Variants in ANKFN1 observed in about 807,000 individuals in gnomAD.
The protein encoded by ANKFN1 is ankyrin repeat and fibronectin type III domain containing 1.
In ANKFN1, 74 loss-of-function variants were observed where a neutral mutation model predicts 108.7. The ratio of observed to expected loss-of-function variants is 0.68; its 90% CI spans 0.56 to 0.83. ANKFN1 has a LOEUF of 0.83. ANKFN1 is among the 40% of genes least tolerant of loss of function. The pLI, the probability that ANKFN1 is intolerant of heterozygous loss-of-function variation, is 0.00. For missense variants in ANKFN1, 1,505 were observed against 1,382.3 expected (o/e 1.09, Z -1.41); for synonymous variants, 547 against 516.2 (o/e 1.06, Z -0.81).
intron 2 of ANKFN1, among the ~76,000 whole-genome samples, chr17:56,220,494 TA>T (rs1053580279): frequency 6.6e-6 from 1 of 151,488 alleles, no homozygotes; most frequent in African/African-American, 2.4e-5. Flanking sequence ...CCATCTTTAT[TA>T]AAAAAAATAC....
chr17:56,307,026 T>G (rs1467582808), intron 3 of ANKFN1, among the ~76,000 whole-genome samples: 1 of 152,212 alleles, frequency 6.6e-6, no homozygotes, highest in Non-Finnish European at 1.5e-5. Flanking sequence ...GCTAGCCATA[T>G]GTAGAAAGCT....
At chr17:56,282,188 A>C (rs890707752) in intron 3 of ANKFN1, among the ~76,000 whole-genome samples, 3 of 152,202 alleles carry the variant, frequency 2.0e-5, no homozygotes, top group Non-Finnish European at 4.4e-5. Context: ...GATGAATTTC[A>C]AAAACATGTT....
chr17:56,430,592 T>C (rs980619015), intron 8 of ANKFN1, among the ~76,000 whole-genome samples: 13 of 152,038 alleles, frequency 8.6e-5, no homozygotes, highest in African/African-American at 2.9e-4. Flanking sequence ...TGTAATCATT[T>C]CACTATGTAT....
intron 3 of ANKFN1, among the ~76,000 whole-genome samples, chr17:56,305,617 G>A (rs552738492): frequency 2.6e-5 from 4 of 152,226 alleles, no homozygotes; most frequent in African/African-American, 9.6e-5. Flanking sequence ...CTGCTGAACA[G>A]GATCTTTCAC....
chr17:56,288,485 A>G (rs1429297303), intron 3 of ANKFN1, among the ~76,000 whole-genome samples: 1 of 151,994 alleles, frequency 6.6e-6, no homozygotes, highest in Non-Finnish European at 1.5e-5. Context: ...TGCTTATTTA[A>G]ATAATTATTT....
chr17:56,097,785 G>C (rs868494100), intron 4 of ANKFN1, among the ~76,000 whole-genome samples: 2 of 152,198 alleles, frequency 1.3e-5, no homozygotes, highest in South Asian at 2.1e-4. Context: ...ATCAGGCAAG[G>C]TATGCTGGTT....
chr17:56,433,326 T>G (rs2048821807), intron 8 of ANKFN1, among the ~76,000 whole-genome samples: 1 of 152,178 alleles, frequency 6.6e-6, no homozygotes, highest in African/African-American at 2.4e-5. Flanking sequence ...TTTTAGAACT[T>G]ATTCATCAAT....
chr17:56,495,689 A>G (rs2051178687), intron 19 of ANKFN1, among the ~76,000 whole-genome samples: 1 of 152,134 alleles, frequency 6.6e-6, no homozygotes, highest in Non-Finnish European at 1.5e-5. Context: ...AGCTTGGCAT[A>G]TTTTGAGCTG....
intron 7 of ANKFN1, 113 bp downstream of exon 7, chr17:56,372,953 T>C: frequency 9.1e-7 from 1 of 1,095,960 alleles, no homozygotes; most frequent in Non-Finnish European, 1.3e-6. Flanking sequence ...TGGATGGCCG[T>C]TGTCAGCCTG....
intron 1 of ANKFN1, among the ~76,000 whole-genome samples, chr17:56,200,683 G>C (rs112858873): frequency 3.0e-3 from 449 of 152,202 alleles, no homozygotes; most frequent in Non-Finnish European, 4.6e-3. Context: ...AATCTGCTTT[G>C]ACATATGTAC....
At chr17:56,060,330 G>T (rs951042600) in intron 4 of ANKFN1, among the ~76,000 whole-genome samples, 2 of 152,106 alleles carry the variant, frequency 1.3e-5, no homozygotes, top group African/African-American at 4.8e-5. Context: ...GAGTTTTGGG[G>T]CTGAGATTAT....
rs572222296 is a variant in ANKFN1 at position 56,055,859 on chromosome 17, C to A, written c.288+9534C>A. Among the ~76,000 whole-genome samples, 3 of 151,552 alleles carry A rather than the reference C, an allele frequency of 2.0e-5. 1 individual carries two copies. The highest frequency in any genetic ancestry group is 4.4e-5 in the Non-Finnish European group (3 of 67,882). On this transcript the variant is annotated intron_variant, in intron 4 of 12. Coordinates refer to the ANKFN1 transcript ENST00000635860. ...TCCCACCAGCAATGTATAAGCATTC[C>A]CTTTTCTCCATATCCACATCAACAT... is the stretch of plus-strand genomic sequence containing the variant.
intron 8 of ANKFN1, among the ~76,000 whole-genome samples, chr17:56,379,483 T>C (rs2047035150): frequency 6.6e-6 from 1 of 152,208 alleles, no homozygotes; most frequent in African/African-American, 2.4e-5. Flanking sequence ...GTTCGATGTA[T>C]GTCCTTACAA....
At chr17:56,062,422 A>T (rs1025356316) in intron 4 of ANKFN1, among the ~76,000 whole-genome samples, 3 of 152,120 alleles carry the variant, frequency 2.0e-5, no homozygotes, top group Non-Finnish European at 4.4e-5. Flanking sequence ...CTCCTGTATT[A>T]GGTGCATATA....
chr17:56,260,421 G>A (rs1033404270), intron 3 of ANKFN1, among the ~76,000 whole-genome samples: 3 of 151,996 alleles, frequency 2.0e-5, no homozygotes, highest in Non-Finnish European at 4.4e-5. Context: ...GTGGTGGGGC[G>A]GGGTAGGGGT....
At chr17:56,146,134 C>A (rs1031901629) in intron 4 of ANKFN1, among the ~76,000 whole-genome samples, 3 of 152,192 alleles carry the variant, frequency 2.0e-5, no homozygotes, top group African/African-American at 7.2e-5. Context: ...CCAGAATGAT[C>A]CCCTTTGACT....
At chr17:56,363,793 G>A (rs895647672) in intron 6 of ANKFN1, among the ~76,000 whole-genome samples, 2 of 152,124 alleles carry the variant, frequency 1.3e-5, no homozygotes, top group Non-Finnish European at 2.9e-5. Flanking sequence ...GATGGAATTG[G>A]AGAACATTCT....
chr17:56,338,275 G>T (rs2045870372), intron 4 of ANKFN1, among the ~76,000 whole-genome samples: 1 of 152,234 alleles, frequency 6.6e-6, no homozygotes, highest in Non-Finnish European at 1.5e-5. Context: ...ACACAGGGCG[G>T]GGAACATCAC....
At chr17:56,345,828 A>G (rs1356752631) in intron 4 of ANKFN1, among the ~76,000 whole-genome samples, 2 of 151,786 alleles carry the variant, frequency 1.3e-5, no homozygotes, top group Non-Finnish European at 2.9e-5. Flanking sequence ...TTTTCTCCCA[A>G]CCTCTAGGTT....
Sources: allele counts gnomAD v4.1 joint callset (sites outside exome capture counted in the v4.1 genomes callset), GRCh38; gene constraint gnomAD v4.1.1; transcripts MANE v1.5; gene names NCBI Gene and HGNC (gene_info 2026-07-23, HGNC 2026-07-21).